The following TRPM4 variants were observed in gnomAD, a reference collection of about 807,000 sequenced individuals.
The protein encoded by TRPM4 is calcium-activated non-selective cation channel 1.
Under a neutral mutation model 135.6 loss-of-function variants are expected in TRPM4, and 124 were observed. The observed-to-expected ratio is 0.91, with a 90% confidence interval of 0.79 to 1.06. The LOEUF is 1.06. Among genes scored for constraint, TRPM4 ranks in the 50% least tolerant of loss-of-function variants. The probability of loss-of-function intolerance (pLI) is 0.00; values close to 1 mark genes in which losing one functional copy is unlikely to be tolerated. For missense variants in TRPM4, 1,658 were observed against 1,671.4 expected (o/e 0.99, Z 0.14); for synonymous variants, 745 against 705.6 (o/e 1.06, Z -0.88).
chr19:49,197,320 C>CT (rs762431297), intron 17 of TRPM4, among the ~76,000 whole-genome samples: 1 of 108,032 alleles, frequency 9.3e-6, no homozygotes, highest in Non-Finnish European at 1.9e-5. Flanking sequence ...TTCTTTCTTT[C>CT]TTTCTTTCTT....
At chr19:49,198,806 C>T (rs1968799421) in intron 17 of TRPM4, among the ~76,000 whole-genome samples, 1 of 151,850 alleles carries the variant, frequency 6.6e-6, no homozygotes, top group Non-Finnish European at 1.5e-5. Context: ...ACTCTGTTGC[C>T]CAGGCTGGTC....
intron 2 of TRPM4, among the ~76,000 whole-genome samples, chr19:49,161,441 G>A (rs572948578): frequency 3.2e-4 from 47 of 148,714 alleles, no homozygotes; most frequent in Admixed American, 9.6e-4. Flanking sequence ...TCCCACATGA[G>A]CCTCCGGAGT....
intron 12 of TRPM4, among the ~76,000 whole-genome samples, chr19:49,185,612 G>T (rs939564533): frequency 1.3e-5 from 2 of 152,038 alleles, no homozygotes; most frequent in African/African-American, 4.8e-5. Flanking sequence ...ATAATTTTTG[G>T]TTGAAAAGTG....
Position 49,197,328 on chromosome 19 carries a change from CTT to C in TRPM4, c.2645+456_2645+457del, listed in dbSNP as rs773453506. ...TTTCTTTTTCTTTCTTTCTTTCTTT[CTT>C]TCTTTCTTTCTTTCTTTCTTTCTTT... On this transcript the variant is annotated intron_variant, in intron 17 of 24. Coordinates refer to ENST00000252826, the MANE Select transcript of TRPM4 (RefSeq NM_017636.4). Among the ~76,000 whole-genome samples, 431 of 118,928 alleles carry C rather than the reference CTT, an allele frequency of 3.6e-3. 8 individuals are homozygous for C. Among genetic ancestry groups the C allele is most frequent in the Middle Eastern group, 0.031 (8 of 254 alleles). 78.0% of individuals were successfully genotyped at this position (118,928 alleles called of 152,430 possible).
At chr19:49,185,762 G>T (rs1968176057) in intron 12 of TRPM4, among the ~76,000 whole-genome samples, 1 of 151,302 alleles carries the variant, frequency 6.6e-6, no homozygotes, top group African/African-American at 2.4e-5. Context: ...TTTTTTTGGG[G>T]GGAGGGGGGA....
intron 16 of TRPM4, among the ~76,000 whole-genome samples, chr19:49,193,698 C>T (rs1255560516): frequency 6.6e-6 from 1 of 151,274 alleles, no homozygotes; most frequent in Non-Finnish European, 1.5e-5. Flanking sequence ...GCTTTCTGAC[C>T]CACCGCTCTC....
At chr19:49,183,997 G>T (rs935201751) in intron 12 of TRPM4, among the ~76,000 whole-genome samples, 1 of 152,170 alleles carries the variant, frequency 6.6e-6, no homozygotes, top group South Asian at 2.1e-4. Context: ...TCCTGACCTT[G>T]TGATCTGTCT....
rs115231227 is a variant in TRPM4, at chr19:49,201,828, C to G, written c.2954-136C>G. ...TTGGTCAGGCTAGTCTCAAACTCCC[C>G]ACCTCAGGTGATCCGGCCATCTCAG... On this transcript the variant is annotated intron_variant, in intron 19 of 24. Transcript: ENST00000252826. 6,349 of 909,224 alleles carry G rather than the reference C, an allele frequency of 7.0e-3. 261 individuals carry two copies. The African/African-American group carries it at 0.087, about 12-fold the overall frequency. The allele number at this position is 909,224 out of a possible 1,614,324, so 56.3% of individuals were successfully genotyped here.
chr19:49,173,739 C>A (rs1320324861), intron 9 of TRPM4, among the ~76,000 whole-genome samples: 2 of 152,024 alleles, frequency 1.3e-5, no homozygotes, highest in Admixed American at 1.3e-4. Context: ...CTCAGTGCAG[C>A]CTCAACCTCC....
chr19:49,180,906 CCTT>C (rs1324233423), intron 9 of TRPM4, among the ~76,000 whole-genome samples: 2 of 152,038 alleles, frequency 1.3e-5, no homozygotes, highest in Non-Finnish European at 2.9e-5. Context: ...ATCCATCCAT[CCTT>C]CTATCTGTCC....
chr19:49,160,712 C>T (rs983874772), intron 2 of TRPM4, among the ~76,000 whole-genome samples: 2 of 151,948 alleles, frequency 1.3e-5, no homozygotes, highest in African/African-American at 2.4e-5. Context: ...GGGGCATCAC[C>T]GCAGCAGTGG....
In TRPM4 at chr19:49,189,009, G is replaced by C; in HGVS notation, c.1937G>C (p.Cys646Ser). 6.2e-7 allele frequency: 1 copy of C among 1,614,146 alleles called. No individual in the cohort carries two copies. The highest frequency in any genetic ancestry group is 1.1e-5 in the South Asian group (1 of 91,080). The stretch of plus-strand genomic sequence containing the variant: ...GCTGCCCGCCTCCTCCTCCGTCGCT[G>C]CCCGCTCTGGGGGGATGCCACTTGC... ...VRAARLLLRR[C>S]PLWGDATCLQ... Residue 646 changes from cysteine (C) to serine (S), a missense_variant, in exon 14 of 25, where the codon TGC becomes TCC. Physicochemically the swap from Cys to Ser is moderately radical, Grantham distance 112. This residue lies in a region of TRPM4 where 1,412 missense variants were observed against 1,408.7 expected (regional missense o/e 1.00). Transcript: ENST00000252826.
Position 49,200,395 on chromosome 19 carries a change from A to G in TRPM4, c.2741A>G (p.Lys914Arg), listed in dbSNP as rs172151858. The G allele has an allele frequency of 1.9e-6, 3 of 1,613,842 alleles. No individual in the cohort carries two copies. The highest frequency in any genetic ancestry group is 2.5e-6 in the Non-Finnish European group (3 of 1,179,976). The change falls in exon 18 of 25, where the codon AAA becomes AGA. Residue 914 changes from lysine (K) to arginine (R), a missense_variant. Transcript: ENST00000252826. ...VRLLHIFTVN[K>R]QLGPKIVIVS... ...CTGCTTCACATCTTCACGGTCAACA[A>G]ACAGCTGGGGCCCAAGATCGTCATC...
chr19:49,168,421 A>G lies in TRPM4; in HGVS notation c.610A>G (p.Lys204Glu). The change falls in exon 5 of 25, where the codon AAG becomes GAG. Residue 204 changes from lysine (K) to glutamate (E), a missense_variant and splice_region_variant. By Grantham distance (56) the Lys-to-Glu change is moderately conservative. This residue lies in a region of TRPM4 where 1,412 missense variants were observed against 1,408.7 expected (regional missense o/e 1.00). Transcript: ENST00000252826. Reference sequence around the variant, plus strand: ...GAATAGAGACACCCTCATCAACCCCAAGGTGTGACCCAGGGACTTGGAAAA... The same window carrying G: ...GAATAGAGACACCCTCATCAACCCCGAGGTGTGACCCAGGGACTTGGAAAA... ...VRNRDTLINP[K>E]GSFPARYRWR... 1 of 1,613,910 alleles carries G rather than the reference A, an allele frequency of 6.2e-7. No homozygotes were observed. Among genetic ancestry groups the G allele is most frequent in the Non-Finnish European group, 8.5e-7 (1 of 1,179,992 alleles).
intron 1 of TRPM4, 30 bp from the exon 2 acceptor site, chr19:49,158,162 T>G: frequency 6.2e-7 from 1 of 1,608,044 alleles, no homozygotes; most frequent in Non-Finnish European, 8.5e-7. Flanking sequence ...CTCACCCCAC[T>G]TCCACCCCTA....
chr19:49,162,306 AG>A (rs762757267), intron 2 of TRPM4, among the ~76,000 whole-genome samples: 9 of 152,132 alleles, frequency 5.9e-5, no homozygotes, highest in Non-Finnish European at 8.8e-5. Flanking sequence ...TGAGAGGCCG[AG>A]GTGGGCTGAT....
chr19:49,167,654 T>C, intron 3 of TRPM4: 1 of 332,012 alleles, frequency 3.0e-6, no homozygotes, highest in East Asian at 4.7e-5. Context: ...TCTCTCTGGG[T>C]CTCTGTCCCA....
In TRPM4 at chr19:49,188,980, G is replaced by C. The variant is rs950364050; in HGVS notation, c.1908G>C (p.Val636=). Residue 636 remains valine (V), a synonymous_variant, in exon 14 of 25, where the codon GTG becomes GTC. Transcript: ENST00000252826. The part of the protein sequence containing the change: ...LFGECYRSSE[V]RAARLLLRRC... Reference sequence around the variant, plus strand: ...GCGAGTGCTATCGCAGCAGTGAGGTGAGGGCTGCCCGCCTCCTCCTCCGTC... The same window carrying C: ...GCGAGTGCTATCGCAGCAGTGAGGTCAGGGCTGCCCGCCTCCTCCTCCGTC... 3.7e-6 allele frequency: 6 copies of C among 1,614,174 alleles called. No individual in the cohort carries two copies. Among genetic ancestry groups the C allele is most frequent in the Non-Finnish European group, 5.1e-6 (6 of 1,180,048 alleles).
At chr19:49,170,381 G>A (rs1354981710) in intron 6 of TRPM4, among the ~76,000 whole-genome samples, 4 of 152,008 alleles carry the variant, frequency 2.6e-5, no homozygotes, top group Non-Finnish European at 5.9e-5. Context: ...TAGAGACGGG[G>A]TTTCACCATG....
Sources: allele counts gnomAD v4.1 joint callset (sites outside exome capture counted in the v4.1 genomes callset), GRCh38; gene constraint gnomAD v4.1.1; regional missense constraint gnomAD v4.1.1; transcripts MANE v1.5; gene names NCBI Gene and HGNC (gene_info 2026-07-23, HGNC 2026-07-21).